ABCB11: variants seen among roughly 807,000 people sequenced by gnomAD.
ABCB11 encodes the protein bile salt export pump.
In ABCB11, 95 loss-of-function variants were observed where a neutral mutation model predicts 148.0. The ratio of observed to expected loss-of-function variants is 0.64; its 90% CI spans 0.54 to 0.76. ABCB11 has a LOEUF of 0.76. Ranked by LOEUF, ABCB11 falls within the 30% of genes least tolerant of loss-of-function variation. The pLI is 0.00. For synonymous variants in ABCB11, 591 were observed against 555.4 expected (o/e 1.06, Z -0.90); for missense variants, 1,523 against 1,617.8 (o/e 0.94, Z 1.01).
At chr2:169,002,700 A>G (rs1694911417) in intron 5 of ABCB11, among the ~76,000 whole-genome samples, 1 of 152,196 alleles carries the variant, frequency 6.6e-6, no homozygotes, top group Admixed American at 6.6e-5. Context: ...AATACAGTGT[A>G]ATCTCACTTA....
chr2:168,961,887 C>A (rs1038091290), intron 18 of ABCB11, among the ~76,000 whole-genome samples: 7 of 151,642 alleles, frequency 4.6e-5, no homozygotes, highest in Non-Finnish European at 8.9e-5. Context: ...TCCCAATCTA[C>A]AGAAAGTAAG....
intron 5 of ABCB11, among the ~76,000 whole-genome samples, chr2:169,001,466 C>G (rs981582995): frequency 2.6e-5 from 4 of 152,116 alleles, no homozygotes; most frequent in African/African-American, 4.8e-5. Flanking sequence ...CCCAACCCAG[C>G]AGGTAAGGGG....
In ABCB11 at chr2:169,031,206, A is replaced by G. The variant is rs886779358; in HGVS notation, c.-28+19T>C. 4 of 152,258 alleles carry G rather than the reference A, an allele frequency of 2.6e-5. No homozygotes were observed. The highest frequency in any genetic ancestry group is 7.2e-5 in the African/African-American group (3 of 41,466). 9.4% of individuals were successfully genotyped at this position (152,258 alleles called of 1,614,324 possible). ...GGGAAGAGGGAATGGATTTGCAGAG[A>G]CAAGTATAAGTTACTTACCTGTGAA... On this transcript the variant is annotated intron_variant, in intron 1 of 27. Coordinates refer to ENST00000650372, the MANE Select transcript of ABCB11 (RefSeq NM_003742.4).
At chr2:168,938,057 A>G (rs955184315) in intron 21 of ABCB11, among the ~76,000 whole-genome samples, 2 of 152,240 alleles carry the variant, frequency 1.3e-5, no homozygotes, top group Non-Finnish European at 2.9e-5. Context: ...ATGTAAAACG[A>G]CAAAAGGTAA....
chr2:169,011,009 G>A (rs74431337), intron 5 of ABCB11, among the ~76,000 whole-genome samples: 3,363 of 152,294 alleles, frequency 0.022, 122 homozygotes, highest in African/African-American at 0.077. Context: ...CTTCAGGTAT[G>A]TGATCCAGTA....
At chr2:169,026,085 C>A (rs1201171390) in intron 1 of ABCB11, among the ~76,000 whole-genome samples, 2 of 152,192 alleles carry the variant, frequency 1.3e-5, no homozygotes, top group Non-Finnish European at 2.9e-5. Context: ...TTGATTTTGC[C>A]TTTGCTGAGA....
chr2:168,974,983 T>A (rs1053223557), intron 12 of ABCB11, among the ~76,000 whole-genome samples: 18 of 147,164 alleles, frequency 1.2e-4, no homozygotes, highest in African/African-American at 3.9e-4. Flanking sequence ...TACACTTATA[T>A]TTGTACATTT....
intron 18 of ABCB11, among the ~76,000 whole-genome samples, chr2:168,958,432 T>A (rs905577418): frequency 6.6e-6 from 1 of 151,536 alleles, no homozygotes; most frequent in Non-Finnish European, 1.5e-5. Flanking sequence ...TGGAGAAAAA[T>A]AACTCCCATT....
intron 7 of ABCB11, among the ~76,000 whole-genome samples, chr2:168,994,157 T>C (rs1220326730): frequency 1.3e-5 from 2 of 152,110 alleles, no homozygotes; most frequent in African/African-American, 4.8e-5. Flanking sequence ...TATTTGTCTT[T>C]TTCTTTTACA....
At position 168,935,424 on chromosome 2, in the gene ABCB11, ATCTG is replaced by A. The variant is rs1446360264; in HGVS notation, c.2815-3_2815del. ...GATGTTACTGAGGGCTTCATTTGTA[ATCTG>A]AAGATTGAAAAAGAGTCTTAGGAAT... On this transcript the variant is annotated splice_acceptor_variant and splice_polypyrimidine_tract_variant and coding_sequence_variant and intron_variant, in exon 23 of 28. Coordinates refer to ENST00000650372, the MANE Select transcript of ABCB11 (RefSeq NM_003742.4). LOFTEE classifies it high-confidence loss of function. The A allele has an allele frequency of 6.2e-7, 1 of 1,608,360 alleles. No individual in the cohort carries two copies. Among genetic ancestry groups the A allele is most frequent in the Admixed American group, 1.7e-5 (1 of 59,398 alleles).
intron 5 of ABCB11, among the ~76,000 whole-genome samples, chr2:169,001,902 C>T (rs1404129361): frequency 1.3e-5 from 2 of 152,000 alleles, no homozygotes; most frequent in East Asian, 1.9e-4. Context: ...ACTTTTTCCC[C>T]CCACTTTTCA....
At chr2:169,007,004 C>A (rs1337645908) in intron 5 of ABCB11, among the ~76,000 whole-genome samples, 2 of 152,164 alleles carry the variant, frequency 1.3e-5, no homozygotes, top group African/African-American at 4.8e-5. Flanking sequence ...AGCATTCTAG[C>A]TGACTTCTTT....
intron 17 of ABCB11, among the ~76,000 whole-genome samples, chr2:168,966,432 T>C (rs941925407): frequency 1.3e-5 from 2 of 151,870 alleles, no homozygotes; most frequent in Non-Finnish European, 2.9e-5. Flanking sequence ...TAGGCTGTCA[T>C]GAGGCCATGG....
chr2:168,947,858 G>A (rs1692396986), intron 19 of ABCB11, among the ~76,000 whole-genome samples: 1 of 151,638 alleles, frequency 6.6e-6, no homozygotes, highest in South Asian at 2.1e-4. Flanking sequence ...GTTTCTGGTT[G>A]TCACCAGAAG....
At chr2:169,001,043 C>A (rs1009950364) in intron 5 of ABCB11, among the ~76,000 whole-genome samples, 1 of 152,112 alleles carries the variant, frequency 6.6e-6, no homozygotes, top group Non-Finnish European at 1.5e-5. Context: ...TCACTTTTCA[C>A]AGTCTACTAG....
chr2:168,944,491 TC>T (rs1692210247), intron 21 of ABCB11, 113 bp downstream of exon 21: 5 of 1,194,540 alleles, frequency 4.2e-6, no homozygotes, highest in Non-Finnish European at 3.5e-6. Context: ...CTTTAGGATA[TC>T]CCAATCCCAC....
At chr2:168,981,183 C>A (rs572442047) in intron 10 of ABCB11, among the ~76,000 whole-genome samples, 3 of 152,238 alleles carry the variant, frequency 2.0e-5, no homozygotes, top group South Asian at 4.1e-4. Context: ...GTGTCTGAAC[C>A]ATGGAAAGTG....
intron 19 of ABCB11, among the ~76,000 whole-genome samples, chr2:168,948,039 G>A (rs745713478): frequency 2.0e-5 from 3 of 151,546 alleles, no homozygotes; most frequent in Non-Finnish European, 3.0e-5. Flanking sequence ...AATGGAGACC[G>A]GGAGAAGAGG....
chr2:168,947,427 AG>A (rs1489179040), intron 19 of ABCB11, among the ~76,000 whole-genome samples: 1 of 151,576 alleles, frequency 6.6e-6, no homozygotes, highest in Admixed American at 6.6e-5. Context: ...AAATGGACAC[AG>A]GGAAAGTGAA....
Sources: allele counts gnomAD v4.1 joint callset (sites outside exome capture counted in the v4.1 genomes callset), GRCh38; gene constraint gnomAD v4.1.1; transcripts MANE v1.5; gene names NCBI Gene and HGNC (gene_info 2026-07-23, HGNC 2026-07-21).